Variants in CLCN2 observed in about 807,000 individuals in gnomAD.
CLCN2 encodes the protein chloride channel protein 2.
In CLCN2, 72 loss-of-function variants were observed where a neutral mutation model predicts 108.3. The observed-to-expected ratio is 0.66, with a 90% CI of 0.55 to 0.81. CLCN2 has a LOEUF of 0.81. Among genes scored for constraint, CLCN2 ranks in the 30% least tolerant of loss-of-function variants. CLCN2 has a pLI of 0.00. For missense variants in CLCN2, 1,048 were observed against 1,205.2 expected, an observed-to-expected ratio of 0.87 and a Z score of 1.93; for synonymous variants, 471 against 467.1, an observed-to-expected ratio of 1.01 and a Z score of -0.11.
In CLCN2 at chr3:184,355,255, G is replaced by T. The variant is rs569818242; in HGVS notation, c.1326+119C>A. On this transcript the variant is annotated intron_variant, in intron 12 of 23. Coordinates refer to ENST00000265593, the MANE Select transcript of CLCN2 (RefSeq NM_004366.6). This position sits in a 1 kb window ranked among gnomAD's most constrained non-coding sequence, Gnocchi z 6.3. ...CGACTCCCCCATCTTTCAAACGGGG[G>T]TGATAATAGTGCCTTTCCCATGGCA... is the stretch of plus-strand genomic sequence containing the variant. 8.7e-7 allele frequency: 1 copy of T among 1,144,334 alleles called. No homozygotes were observed. The highest frequency in any genetic ancestry group is 1.3e-6 in the Non-Finnish European group (1 of 758,524). 70.9% of individuals were successfully genotyped at this position (1,144,334 alleles called of 1,614,324 possible). A position where few individuals can be genotyped will look rare whatever the true frequency, so the allele number is the denominator to read the frequency against.
In CLCN2 at chr3:184,360,115, G is replaced by A. The variant is rs188742257; in HGVS notation, c.64-984C>T. Among the ~76,000 whole-genome samples the A allele has an allele frequency of 2.0e-5, 3 of 152,170 alleles. No homozygotes were observed. In the East Asian group the frequency reaches 5.8e-4, roughly 29 times the overall value. ...AAAAGAGAGGGAAGGCGAAGGGATG[G>A]AGAAGAGAAAGAAGGGGATGAGAGA... On this transcript the variant is annotated intron_variant, in intron 1 of 23. Coordinates refer to ENST00000265593, the MANE Select transcript of CLCN2 (RefSeq NM_004366.6).
chr3:184,360,546 T>G (rs1171419800), intron 1 of CLCN2, among the ~76,000 whole-genome samples: 1 of 152,130 alleles, frequency 6.6e-6, no homozygotes, highest in East Asian at 1.9e-4. Flanking sequence ...CCCAGACTTA[T>G]AGCCTCTCCT....
chr3:184,350,139 T>C (rs1727987636), intron 22 of CLCN2, among the ~76,000 whole-genome samples: 1 of 152,224 alleles, frequency 6.6e-6, no homozygotes. Flanking sequence ...TTTAAGTTTG[T>C]AACAAATATC....
At position 184,355,227 on chromosome 3, in the gene CLCN2, T is replaced by C. The variant is rs1728455769; in HGVS notation, c.1326+147A>G. 2.1e-6 allele frequency: 2 copies of C among 965,328 alleles called. No homozygotes were observed. The highest frequency in any genetic ancestry group is 3.2e-5 in the African/African-American group (2 of 62,060). The allele number at this position is 965,328 out of a possible 1,614,324, so 59.8% of individuals were successfully genotyped here. ...TGTGACTTTGGGCCAGCTACTTGTGTTTCGACTCCCCCATCTTTCAAACGG... is the reference window on the plus strand; with the variant it reads ...TGTGACTTTGGGCCAGCTACTTGTGCTTCGACTCCCCCATCTTTCAAACGG... On this transcript the variant is annotated intron_variant, in intron 12 of 23. Transcript: ENST00000265593. This position sits in a 1 kb window ranked among gnomAD's most constrained non-coding sequence, Gnocchi z 6.3.
chr3:184,358,125 T>A (rs1711536254), intron 4 of CLCN2, 30 bp from the exon 5 acceptor site: 1 of 1,613,898 alleles, frequency 6.2e-7, no homozygotes, highest in African/African-American at 1.3e-5. Context: ...AGGAGAGGCA[T>A]TCGATGCACC....
intron 22 of CLCN2, 181 bp from the exon 23 acceptor site, chr3:184,347,202 T>C (rs1259044306): frequency 7.4e-6 from 5 of 672,186 alleles, no homozygotes; most frequent in Admixed American, 6.2e-5. Flanking sequence ...AGAATGTTTC[T>C]GTGTCCAGGC....
At chr3:184,348,986 T>G (rs140415526) in intron 22 of CLCN2, 1 of 152,316 alleles carries the variant, frequency 6.6e-6, no homozygotes, top group Non-Finnish European at 1.5e-5. Context: ...TTTGTCAAAC[T>G]TGAGTACAGC....
intron 1 of CLCN2, among the ~76,000 whole-genome samples, chr3:184,360,602 C>T (rs1319996020): frequency 1.3e-5 from 2 of 152,160 alleles, no homozygotes; most frequent in Admixed American, 1.3e-4. Context: ...AAATTCCAGC[C>T]CAAGCTGGTA....
At chr3:184,358,951 C>G (rs946198873) in intron 2 of CLCN2, 24 bp downstream of exon 2, 19 of 1,613,446 alleles carry the variant, frequency 1.2e-5, no homozygotes, top group Non-Finnish European at 1.6e-5. Context: ...CAGCCAGGTC[C>G]CCTGCCCCCA....
intron 22 of CLCN2, among the ~76,000 whole-genome samples, chr3:184,349,795 G>A (rs1272130995): frequency 6.6e-6 from 1 of 152,230 alleles, no homozygotes; most frequent in East Asian, 1.9e-4. Flanking sequence ...TACACAGCAA[G>A]CCAGCATGTG....
intron 1 of CLCN2, among the ~76,000 whole-genome samples, chr3:184,359,869 C>T (rs1711749848): frequency 1.3e-5 from 2 of 151,786 alleles, no homozygotes; most frequent in South Asian, 4.1e-4. Context: ...ACGGGAGAGT[C>T]GCCTGAACCA....
In CLCN2 at chr3:184,361,509, G is replaced by A. The variant is rs1712122895; in HGVS notation, c.-30C>T. 6.2e-7 allele frequency: 1 copy of A among 1,606,352 alleles called. No individual in the cohort carries two copies. The highest frequency in any genetic ancestry group is 1.3e-5 in the African/African-American group (1 of 75,018). On this transcript the variant is annotated 5_prime_UTR_variant, in exon 1 of 24. Transcript: ENST00000265593. This position sits in a 1 kb window ranked among gnomAD's most constrained non-coding sequence, Gnocchi z 6.6. Reference sequence around the variant, plus strand: ...GCGCACTGCCCTCTCGCCTCCCTCGGCGGTTCCGGCTCTGTCCTGGACTCG... The same window carrying A: ...GCGCACTGCCCTCTCGCCTCCCTCGACGGTTCCGGCTCTGTCCTGGACTCG...
At chr3:184,350,871 A>G (rs1182626801) in intron 22 of CLCN2, among the ~76,000 whole-genome samples, 1 of 152,210 alleles carries the variant, frequency 6.6e-6, no homozygotes, top group East Asian at 1.9e-4. Context: ...AGAGCTTAGC[A>G]CAGTGTCTCG....
At chr3:184,347,243 T>G in intron 22 of CLCN2, 1 of 595,138 alleles carries the variant, frequency 1.7e-6, no homozygotes, top group Non-Finnish European at 3.0e-6. Context: ...AATCCTTATA[T>G]TGCTTACACT....
intron 1 of CLCN2, 98 bp from the exon 2 acceptor site, chr3:184,359,229 A>C (rs2108575154): frequency 1.4e-6 from 2 of 1,415,764 alleles, no homozygotes; most frequent in South Asian, 2.3e-5. Context: ...CCCAGCCCCC[A>C]CACTGGATAT....
chr3:184,351,887 G>A (rs1054737053), intron 22 of CLCN2, 126 bp downstream of exon 22: 65 of 780,060 alleles, frequency 8.3e-5, no homozygotes, highest in Admixed American at 4.8e-4. Context: ...AAACATCTCC[G>A]CACTGAGCCA....
chr3:184,347,696 GAA>G (rs1484650986), intron 22 of CLCN2: 1 of 163,610 alleles, frequency 6.1e-6, no homozygotes, highest in Non-Finnish European at 1.4e-5. Context: ...GTCTTGGCCT[GAA>G]GCACGCTATG....
At chr3:184,352,381 A>T (rs1299279764) in intron 20 of CLCN2, 50 bp from the exon 21 acceptor site, 2 of 1,613,426 alleles carry the variant, frequency 1.2e-6, no homozygotes, top group Non-Finnish European at 1.7e-6. Flanking sequence ...GAGTTTATCC[A>T]GCCTAGACCC....
chr3:184,348,001 G>C (rs190388401), intron 22 of CLCN2: 1 of 152,330 alleles, frequency 6.6e-6, no homozygotes, highest in East Asian at 1.9e-4. Context: ...GAGTTTACTT[G>C]TAAGCCTCTT....
Sources: allele counts gnomAD v4.1 joint callset (sites outside exome capture counted in the v4.1 genomes callset), GRCh38; gene constraint gnomAD v4.1.1; non-coding constraint Gnocchi (gnomAD v3.1); transcripts MANE v1.5; gene names NCBI Gene and HGNC (gene_info 2026-07-23, HGNC 2026-07-21).